Variants in LRRC4B observed in about 807,000 individuals in gnomAD.
The protein encoded by LRRC4B is leucine-rich repeat-containing protein 4B.
Under a neutral mutation model 7.3 loss-of-function variants are expected in LRRC4B, and 1 was observed. The ratio of observed to expected loss-of-function variants is 0.14; its 90% CI spans 0.05 to 0.65. The LOEUF (loss-of-function observed/expected upper bound fraction) is 0.65. LRRC4B is among the 30% of genes least tolerant of loss of function. The pLI is 0.84. For synonymous variants in LRRC4B, 500 were observed against 499.2 expected (o/e 1.00, Z -0.02); for missense variants, 730 against 1,041.6 (o/e 0.70, Z 4.12).
intron 2 of LRRC4B, among the ~76,000 whole-genome samples, chr19:50,545,717 A>C (rs1291509162): frequency 6.3e-5 from 8 of 126,374 alleles, no homozygotes; most frequent in African/African-American, 2.6e-4. Context: ...CTAAAGAGTT[A>C]TTACTTTTTT....
At chr19:50,530,699 C>T (rs747949354) in intron 2 of LRRC4B, among the ~76,000 whole-genome samples, 1 of 151,470 alleles carries the variant, frequency 6.6e-6, no homozygotes, top group East Asian at 1.9e-4. Context: ...TGGGCACAGG[C>T]GATGATGCCT....
At chr19:50,551,577 C>T (rs1231837574) in intron 1 of LRRC4B, among the ~76,000 whole-genome samples, 3 of 138,144 alleles carry the variant, frequency 2.2e-5, no homozygotes, top group African/African-American at 5.5e-5. Context: ...CTCTGGTCCC[C>T]GTCCACCTCC....
intron 1 of LRRC4B, among the ~76,000 whole-genome samples, chr19:50,558,808 C>G (rs1982367045): frequency 6.6e-6 from 1 of 152,252 alleles, no homozygotes; most frequent in African/African-American, 2.4e-5. Context: ...AAGTGCCGCT[C>G]CGTCTGCTCC....
At chr19:50,521,798 G>C (rs1980590749) in intron 2 of LRRC4B, among the ~76,000 whole-genome samples, 1 of 152,078 alleles carries the variant, frequency 6.6e-6, no homozygotes, top group Admixed American at 6.6e-5. Flanking sequence ...AATCTGAAGT[G>C]ATCTGCCTGC....
rs1388872695 is a variant in LRRC4B, at chr19:50,518,249, G to A, written c.1464C>T (p.Thr488=). The part of the protein sequence containing the change: ...GGGSGGYTYF[T]TVTVETLETQ... Reference sequence around the variant, plus strand: ...TCTCCAGGGTCTCCACGGTCACCGTGGTGAAGTAGGTGTAGCCGCCACTGC... The same window carrying A: ...TCTCCAGGGTCTCCACGGTCACCGTAGTGAAGTAGGTGTAGCCGCCACTGC... Residue 488 remains threonine (T), a synonymous_variant, in exon 3 of 3, where the codon ACC becomes ACT. Transcript: ENST00000652263. 6.2e-7 allele frequency: 1 copy of A among 1,605,458 alleles called. No individual in the cohort carries two copies. The highest frequency in any genetic ancestry group is 8.5e-7 in the Non-Finnish European group (1 of 1,176,866).
At chr19:50,538,932 G>C (rs1981421518) in intron 2 of LRRC4B, among the ~76,000 whole-genome samples, 1 of 151,122 alleles carries the variant, frequency 6.6e-6, no homozygotes, top group African/African-American at 2.4e-5. Flanking sequence ...TTTGTCGCCA[G>C]GCTGGAGTGC....
At position 50,568,337 on chromosome 19, in the gene LRRC4B, AC is replaced by A. The variant is rs1363437446; in HGVS notation, c.-430del. ...GCCGGCGCCGCTCTCCCCCCACCCC[AC>A]CCCCCCCCAGGCCCCGGCCCCGGCC... is the stretch of plus-strand genomic sequence containing the variant. On this transcript the variant is annotated 5_prime_UTR_variant, in exon 1 of 3. Coordinates refer to ENST00000652263, the MANE Select transcript of LRRC4B (RefSeq NM_001080457.2). Among the ~76,000 whole-genome samples, 53 of 102,516 alleles carry A rather than the reference AC, an allele frequency of 5.2e-4. No individual in the cohort carries two copies. Among genetic ancestry groups the A allele is most frequent in the Middle Eastern group, 0.014 (2 of 146 alleles). 67.3% of individuals were successfully genotyped at this position (102,516 alleles called of 152,430 possible). A position where few individuals can be genotyped will look rare whatever the true frequency, so the allele number is the denominator to read the frequency against.
Position 50,556,860 on chromosome 19 carries a change from C to T in LRRC4B, c.-35-7987G>A, listed in dbSNP as rs996730162. Among the ~76,000 whole-genome samples, 2 of 140,588 alleles carry T rather than the reference C, an allele frequency of 1.4e-5. No homozygotes were observed. Among genetic ancestry groups the T allele is most frequent in the Non-Finnish European group, 1.5e-5 (1 of 65,318 alleles). The allele number at this position is 140,588 out of a possible 152,430, so 92.2% of individuals were successfully genotyped here. On this transcript the variant is annotated intron_variant, in intron 1 of 2. Transcript: ENST00000652263. The surrounding 1 kb of genome is among the most constrained non-coding windows in gnomAD (Gnocchi z 4.2). ...GCCGTCCGAGGGCTAAGTGAGAGGG[C>T]GGGCACAGGGTGGGCCCCGGAACGT...
Position 50,548,897 on chromosome 19 carries a change from G to T in LRRC4B, c.-35-24C>A. The T allele has an allele frequency of 3.0e-6, 3 of 1,002,496 alleles. No homozygotes were observed. Among genetic ancestry groups the T allele is most frequent in the Non-Finnish European group, 4.2e-6 (3 of 707,186 alleles). The allele number at this position is 1,002,496 out of a possible 1,614,324, so 62.1% of individuals were successfully genotyped here. A position where few individuals can be genotyped will look rare whatever the true frequency, so the allele number is the denominator to read the frequency against. ...GGCTGTGGGTGGGGGAGAGAAGGGG[G>T]AGAGGCTTGGTGAGGGACAGGAGCC... On this transcript the variant is annotated intron_variant, in intron 1 of 2. Coordinates refer to ENST00000652263, the MANE Select transcript of LRRC4B (RefSeq NM_001080457.2). This position sits in a 1 kb window ranked among gnomAD's most constrained non-coding sequence, Gnocchi z 6.8.
chr19:50,527,827 C>T (rs775422264), intron 2 of LRRC4B, among the ~76,000 whole-genome samples: 3 of 151,216 alleles, frequency 2.0e-5, no homozygotes, highest in South Asian at 2.1e-4. Context: ...CTGCAAGCTC[C>T]GCCTTCTGGG....
intron 2 of LRRC4B, among the ~76,000 whole-genome samples, chr19:50,539,883 T>C (rs1361697765): frequency 1.6e-5 from 2 of 127,574 alleles, no homozygotes; most frequent in East Asian, 4.1e-4. Flanking sequence ...CGAGACTCCA[T>C]CTCAAAAAAA....
intron 1 of LRRC4B, among the ~76,000 whole-genome samples, chr19:50,559,254 C>G (rs752529292): frequency 6.6e-6 from 1 of 152,046 alleles, no homozygotes; most frequent in Non-Finnish European, 1.5e-5. Context: ...GACCAACATG[C>G]TGAAATTCCA....
At chr19:50,525,087 G>T (rs1178941621) in intron 2 of LRRC4B, among the ~76,000 whole-genome samples, 1 of 152,222 alleles carries the variant, frequency 6.6e-6, no homozygotes, top group Non-Finnish European at 1.5e-5. Flanking sequence ...CGTTCCCCGT[G>T]GACAGACACG....
At chr19:50,558,954 C>T (rs1982373054) in intron 1 of LRRC4B, among the ~76,000 whole-genome samples, 1 of 152,222 alleles carries the variant, frequency 6.6e-6, no homozygotes, top group Non-Finnish European at 1.5e-5. Flanking sequence ...GTTGCCTGTG[C>T]CAGGCCTGCG....
intron 2 of LRRC4B, among the ~76,000 whole-genome samples, chr19:50,534,558 C>T (rs1981182449): frequency 6.6e-6 from 1 of 152,174 alleles, no homozygotes; most frequent in South Asian, 2.1e-4. Flanking sequence ...GCTGAGCCCA[C>T]CTCCACCTAT....
At chr19:50,564,879 CCG>C (rs147591065) in intron 1 of LRRC4B, among the ~76,000 whole-genome samples, 89,814 of 142,230 alleles carry the variant, frequency 0.63, 27,451 homozygotes, top group Non-Finnish European at 0.7. Context: ...GCGGCCACCC[CCG>C]CCCCCAATCC....
chr19:50,547,506 C>T (rs574178422), intron 2 of LRRC4B, among the ~76,000 whole-genome samples: 1 of 152,030 alleles, frequency 6.6e-6, no homozygotes, highest in African/African-American at 2.4e-5. Context: ...TCGGCACCCT[C>T]TTCTCTCCCA....
intron 2 of LRRC4B, among the ~76,000 whole-genome samples, chr19:50,527,469 G>C (rs545156248): frequency 6.6e-6 from 1 of 151,134 alleles, no homozygotes; most frequent in African/African-American, 2.4e-5. Flanking sequence ...TTACAGGCAT[G>C]AGCCATTCAT....
rs1980283338 is a variant in LRRC4B, at chr19:50,516,946, A to G, written c.*625T>C. 6.6e-6 allele frequency: 1 copy of G among 151,806 alleles called. No individual in the cohort carries two copies. Among genetic ancestry groups the G allele is most frequent in the Non-Finnish European group, 1.5e-5 (1 of 67,934 alleles). 9.4% of individuals were successfully genotyped at this position (151,806 alleles called of 1,614,324 possible). ...TTTTTCCATGTTTTTTTTTTAAAGT[A>G]ATTACAGAGCAGGTAGTCGTTGACG... On this transcript the variant is annotated 3_prime_UTR_variant, in exon 3 of 3. Coordinates refer to ENST00000652263, the MANE Select transcript of LRRC4B (RefSeq NM_001080457.2).
Sources: allele counts gnomAD v4.1 joint callset (sites outside exome capture counted in the v4.1 genomes callset), GRCh38; gene constraint gnomAD v4.1.1; non-coding constraint Gnocchi (gnomAD v3.1); transcripts MANE v1.5; gene names NCBI Gene and HGNC (gene_info 2026-07-23, HGNC 2026-07-21).